RIMS1: variants seen among roughly 807,000 people sequenced by gnomAD.
The protein encoded by RIMS1 is regulating synaptic membrane exocytosis protein 1.
RIMS1 carries 83 observed loss-of-function variants against 214.1 expected under a neutral mutation model. The observed-to-expected ratio is 0.39, with a 90% CI of 0.32 to 0.47. The LOEUF is 0.47. RIMS1 is among the 20% of genes least tolerant of loss of function. The pLI is 0.99. For synonymous variants in RIMS1, 793 were observed against 786.8 expected, an observed-to-expected ratio of 1.01 and a Z score of -0.13; for missense variants, 2,050 against 2,161.8, an observed-to-expected ratio of 0.95 and a Z score of 1.03.
intron 6 of RIMS1, among the ~76,000 whole-genome samples, chr6:72,226,057 A>C (rs2060077046): frequency 6.6e-6 from 1 of 152,168 alleles, no homozygotes; most frequent in African/African-American, 2.4e-5. Flanking sequence ...CAGATAATAC[A>C]GTATGGTCTA....
At chr6:72,076,421 G>A (rs998842857) in intron 2 of RIMS1, among the ~76,000 whole-genome samples, 1 of 152,108 alleles carries the variant, frequency 6.6e-6, no homozygotes, top group Non-Finnish European at 1.5e-5. Flanking sequence ...AGAGGGTTCT[G>A]GTTTCTCTTC....
intron 1 of RIMS1, among the ~76,000 whole-genome samples, chr6:71,894,844 G>T (rs967804841): frequency 5.9e-5 from 9 of 152,130 alleles, no homozygotes; most frequent in Non-Finnish European, 1.0e-4. Flanking sequence ...AGTAATCAAT[G>T]CACTTAATTA....
chr6:72,138,747 A>G (rs74557846), intron 4 of RIMS1, among the ~76,000 whole-genome samples: 1,862 of 152,342 alleles, frequency 0.012, 11 homozygotes, highest in Non-Finnish European at 0.017. Context: ...ACTATAATGA[A>G]CAATGAAAAA....
At chr6:72,069,509 T>C (rs903552450) in intron 2 of RIMS1, among the ~76,000 whole-genome samples, 4 of 152,226 alleles carry the variant, frequency 2.6e-5, no homozygotes, top group Admixed American at 6.5e-5. Context: ...CAAAGGTAAA[T>C]GAAAAATATA....
At chr6:72,395,002 A>G (rs527877077) in intron 31 of RIMS1, among the ~76,000 whole-genome samples, 4 of 152,186 alleles carry the variant, frequency 2.6e-5, no homozygotes, top group Non-Finnish European at 4.4e-5. Context: ...AGAATGGGAA[A>G]TATAGTGACT....
intron 1 of RIMS1, among the ~76,000 whole-genome samples, chr6:71,892,909 G>A (rs1197062484): frequency 5.9e-5 from 9 of 152,052 alleles, no homozygotes; most frequent in African/African-American, 1.2e-4. Context: ...CTAGATTCTG[G>A]TCTTAACATT....
chr6:72,322,929 G>C (rs1402913934), intron 28 of RIMS1, among the ~76,000 whole-genome samples: 4 of 152,030 alleles, frequency 2.6e-5, no homozygotes, highest in Non-Finnish European at 5.9e-5. Context: ...GCACAGGGAA[G>C]TTTCCAGGAA....
chr6:72,064,121 C>T (rs967108902), intron 2 of RIMS1, among the ~76,000 whole-genome samples: 3 of 152,166 alleles, frequency 2.0e-5, no homozygotes, highest in African/African-American at 7.2e-5. Flanking sequence ...AGTTCGAGAC[C>T]AGCCTGGCCA....
intron 31 of RIMS1, among the ~76,000 whole-genome samples, chr6:72,394,701 G>T (rs1187402153): frequency 6.6e-6 from 1 of 151,646 alleles, no homozygotes; most frequent in Non-Finnish European, 1.5e-5. Context: ...ATATGTGTGT[G>T]ATTTAAAAAG....
Position 72,182,868 on chromosome 6 carries a change from C to T in RIMS1, c.1397C>T (p.Ala466Val). 7 of 1,560,776 alleles carry T rather than the reference C, an allele frequency of 4.5e-6. No individual in the cohort carries two copies. Among genetic ancestry groups the T allele is most frequent in the Non-Finnish European group, 5.2e-6 (6 of 1,154,700 alleles). ...PVPAEAPELK[A>V]QEPLRKQSRL... Reference sequence around the variant, plus strand: ...CCCGCAGAAGCCCCGGAGCTCAAAGCCCAGGAGCCCCTCAGGAAGCAGAGC... The same window carrying T: ...CCCGCAGAAGCCCCGGAGCTCAAAGTCCAGGAGCCCCTCAGGAAGCAGAGC... The change falls in exon 6 of 34, where the codon GCC becomes GTC. Residue 466 changes from alanine (A) to valine (V), a missense_variant. Around this residue, in one of 6 missense-constraint regions of RIMS1, gnomAD observed 882 missense variants for 828.9 expected, o/e 1.06. Transcript: ENST00000521978.
intron 2 of RIMS1, among the ~76,000 whole-genome samples, chr6:72,084,079 G>A (rs1235746124): frequency 6.6e-6 from 1 of 152,126 alleles, no homozygotes; most frequent in Admixed American, 6.6e-5. Context: ...AGCATGAATT[G>A]GTTACTTAAC....
At chr6:72,336,905 C>A (rs61494913) in intron 29 of RIMS1, among the ~76,000 whole-genome samples, 1 of 151,672 alleles carries the variant, frequency 6.6e-6, no homozygotes, top group South Asian at 2.1e-4. Flanking sequence ...CAGAATTATT[C>A]TAAGAAATGT....
chr6:72,378,762 C>T (rs2098436911), intron 29 of RIMS1, among the ~76,000 whole-genome samples: 1 of 152,160 alleles, frequency 6.6e-6, no homozygotes, highest in South Asian at 2.1e-4. Flanking sequence ...TCGCTTAAAC[C>T]TGGGGGATGG....
chr6:72,304,192 A>G (rs896632505), intron 26 of RIMS1, among the ~76,000 whole-genome samples: 1 of 151,754 alleles, frequency 6.6e-6, no homozygotes, highest in Non-Finnish European at 1.5e-5. Flanking sequence ...TTAGTTTACA[A>G]TACTATTAAC....
At chr6:71,891,285 G>C (rs1218835431) in intron 1 of RIMS1, among the ~76,000 whole-genome samples, 3 of 152,208 alleles carry the variant, frequency 2.0e-5, no homozygotes, top group African/African-American at 7.2e-5. Flanking sequence ...AATTGAGATT[G>C]TATGAAGTTT....
intron 28 of RIMS1, among the ~76,000 whole-genome samples, chr6:72,316,105 AC>A (rs938668203): frequency 3.3e-5 from 5 of 152,270 alleles, no homozygotes; most frequent in South Asian, 2.1e-4. Flanking sequence ...ACAAAAAAAA[AC>A]ATTGTAAATT....
At chr6:72,025,420 G>T (rs934847833) in intron 2 of RIMS1, among the ~76,000 whole-genome samples, 1 of 152,160 alleles carries the variant, frequency 6.6e-6, no homozygotes, top group Non-Finnish European at 1.5e-5. Flanking sequence ...TCAATGTCCT[G>T]CCTCTGCTGC....
chr6:72,020,448 C>A (rs1814258726), intron 2 of RIMS1, among the ~76,000 whole-genome samples: 1 of 152,218 alleles, frequency 6.6e-6, no homozygotes, highest in Non-Finnish European at 1.5e-5. Context: ...CACTCAGCCT[C>A]TTTGCACCAT....
At chr6:72,008,768 A>C (rs1452508409) in intron 2 of RIMS1, among the ~76,000 whole-genome samples, 1 of 152,216 alleles carries the variant, frequency 6.6e-6, no homozygotes, top group African/African-American at 2.4e-5. Context: ...CAACAAGAAG[A>C]GCTAACTATC....
Sources: allele counts gnomAD v4.1 joint callset (sites outside exome capture counted in the v4.1 genomes callset), GRCh38; gene constraint gnomAD v4.1.1; regional missense constraint gnomAD v4.1.1; transcripts MANE v1.5; gene names NCBI Gene and HGNC (gene_info 2026-07-23, HGNC 2026-07-21).